The following HCN1 variants were observed in gnomAD, a reference collection of about 807,000 sequenced individuals.
The protein encoded by HCN1 is hyperpolarization activated cyclic nucleotide gated potassium channel 1, also known as potassium/sodium hyperpolarization-activated cyclic nucleotide-gated channel 1.
HCN1 carries 13 observed loss-of-function variants against 78.9 expected under a neutral mutation model. That is an observed-to-expected ratio of 0.16 (90% CI 0.11 to 0.26). The LOEUF is 0.26. Among genes scored for constraint, HCN1 ranks in the 10% least tolerant of loss-of-function variants. The pLI is 1.00. For synonymous variants in HCN1, 552 were observed against 455.5 expected (o/e 1.21, Z -2.70); for missense variants, 810 against 1,154.3 (o/e 0.70, Z 4.32).
chr5:45,395,224 T>A (rs911697270), intron 4 of HCN1, among the ~76,000 whole-genome samples: 1 of 152,068 alleles, frequency 6.6e-6, no homozygotes, highest in African/African-American at 2.4e-5. Context: ...AAAGCAACAG[T>A]GTAAGAGAAA....
intron 6 of HCN1, among the ~76,000 whole-genome samples, chr5:45,288,754 G>A (rs1171800725): frequency 6.6e-6 from 1 of 152,032 alleles, no homozygotes; most frequent in Non-Finnish European, 1.5e-5. Context: ...AGTTTAGTAG[G>A]GAGAATCCTG....
At chr5:45,372,468 A>G (rs1409925125) in intron 4 of HCN1, among the ~76,000 whole-genome samples, 2 of 126,362 alleles carry the variant, frequency 1.6e-5, no homozygotes, top group African/African-American at 2.9e-5. Context: ...ACATTTACAT[A>G]TAAAAATATA....
intron 2 of HCN1, among the ~76,000 whole-genome samples, chr5:45,500,145 G>T (rs1003742480): frequency 6.6e-6 from 1 of 151,976 alleles, no homozygotes; most frequent in Admixed American, 6.6e-5. Flanking sequence ...GCCATGACTG[G>T]TGACATTTAA....
intron 3 of HCN1, among the ~76,000 whole-genome samples, chr5:45,438,356 G>T (rs1433104940): frequency 6.6e-6 from 1 of 152,056 alleles, no homozygotes; most frequent in African/African-American, 2.4e-5. Context: ...ACTTTGGGAG[G>T]CCGAGGAGGG....
chr5:45,364,586 C>A (rs925118906), intron 4 of HCN1, among the ~76,000 whole-genome samples: 31 of 152,074 alleles, frequency 2.0e-4, no homozygotes, highest in Admixed American at 2.0e-3. Context: ...CTCTATCCAA[C>A]CTGCAGCCTA....
chr5:45,450,431 T>C (rs1282636614), intron 3 of HCN1, among the ~76,000 whole-genome samples: 2 of 152,206 alleles, frequency 1.3e-5, no homozygotes, highest in African/African-American at 4.8e-5. Context: ...TTGAGTTTTA[T>C]AGATAATTTG....
chr5:45,548,502 A>G (rs2111847705), intron 2 of HCN1, among the ~76,000 whole-genome samples: 1 of 152,186 alleles, frequency 6.6e-6, no homozygotes, highest in East Asian at 1.9e-4. Context: ...TCTCGAAATA[A>G]TAAGAGCTAT....
At chr5:45,334,798 C>T (rs1245724148) in intron 5 of HCN1, among the ~76,000 whole-genome samples, 1 of 151,864 alleles carries the variant, frequency 6.6e-6, no homozygotes, top group Non-Finnish European at 1.5e-5. Flanking sequence ...GTTATTTATG[C>T]CTGTTACATG....
chr5:45,612,655 AC>A (rs1390959764), intron 2 of HCN1, among the ~76,000 whole-genome samples: 9 of 152,076 alleles, frequency 5.9e-5, no homozygotes, highest in Admixed American at 3.9e-4. Context: ...CATTTACTCA[AC>A]CTTCCTGCTA....
intron 2 of HCN1, among the ~76,000 whole-genome samples, chr5:45,507,920 TA>T (rs1742340944): frequency 6.6e-6 from 1 of 152,126 alleles, no homozygotes; most frequent in African/African-American, 2.4e-5. Context: ...GTTTCTGACT[TA>T]AAGAGACATA....
At chr5:45,689,118 T>C (rs1182124499) in intron 1 of HCN1, among the ~76,000 whole-genome samples, 1 of 152,040 alleles carries the variant, frequency 6.6e-6, no homozygotes, top group Non-Finnish European at 1.5e-5. Context: ...TTGCTTACTT[T>C]AAATGGGTGA....
At chr5:45,506,716 T>A (rs4532370) in intron 2 of HCN1, among the ~76,000 whole-genome samples, 1 of 151,956 alleles carries the variant, frequency 6.6e-6, no homozygotes, top group Admixed American at 6.6e-5. Context: ...TCAGGAAAAA[T>A]TGTTTGCCTA....
chr5:45,284,293 T>TA lies in HCN1; in HGVS notation c.1619-17041dup, dbSNP rs770847407. Among the ~76,000 whole-genome samples the TA allele has an allele frequency of 1.8e-3, 279 of 152,136 alleles. 1 individual carries two copies. The highest frequency in any genetic ancestry group is 3.2e-3 in the Non-Finnish European group (216 of 67,944). On this transcript the variant is annotated intron_variant, in intron 6 of 7. Coordinates refer to ENST00000303230, the MANE Select transcript of HCN1 (RefSeq NM_021072.4). Reference sequence around the variant, plus strand: ...GTGCCCCTGAAATGAAAATAAAAGTTAAAAAAATTGGCGCTCATTGAAAAT... The same window carrying TA: ...GTGCCCCTGAAATGAAAATAAAAGTTAAAAAAAATTGGCGCTCATTGAAAAT...
At chr5:45,307,157 G>T (rs1048698289) in intron 5 of HCN1, among the ~76,000 whole-genome samples, 20 of 151,776 alleles carry the variant, frequency 1.3e-4, no homozygotes, top group African/African-American at 4.6e-4. Flanking sequence ...AAAAAGTATT[G>T]GATTAAACCC....
At chr5:45,694,033 T>C (rs558347534) in intron 1 of HCN1, among the ~76,000 whole-genome samples, 3 of 152,308 alleles carry the variant, frequency 2.0e-5, no homozygotes, top group Non-Finnish European at 2.9e-5. Context: ...TATTCTATAC[T>C]TGATTCCCAC....
intron 5 of HCN1, among the ~76,000 whole-genome samples, chr5:45,336,035 A>G (rs1235850486): frequency 6.6e-6 from 1 of 152,068 alleles, no homozygotes; most frequent in Non-Finnish European, 1.5e-5. Flanking sequence ...AATCACAAAA[A>G]GGATTTAAAC....
intron 5 of HCN1, among the ~76,000 whole-genome samples, chr5:45,329,553 C>T (rs903582275): frequency 6.6e-6 from 1 of 151,314 alleles, no homozygotes; most frequent in African/African-American, 2.4e-5. Context: ...AGTAAGAAAA[C>T]TTTTAATGAA....
At chr5:45,345,795 C>G (rs1262004667) in intron 5 of HCN1, among the ~76,000 whole-genome samples, 1 of 152,188 alleles carries the variant, frequency 6.6e-6, no homozygotes, top group Non-Finnish European at 1.5e-5. Context: ...ACCCTCCAAA[C>G]GGTTTCAATC....
rs943147614 is a variant in HCN1 at position 45,396,480 on chromosome 5, A to G, written c.1230+12T>C. The G allele has an allele frequency of 3.1e-6, 5 of 1,609,850 alleles. No homozygotes were observed. Among genetic ancestry groups the G allele is most frequent in the East Asian group, 4.5e-5 (2 of 44,664 alleles). On this transcript the variant is annotated intron_variant, in intron 4 of 7. Coordinates refer to ENST00000303230, the MANE Select transcript of HCN1 (RefSeq NM_021072.4). ...CTGGTTAAAGACATTGGCGATAAATAAAACAAATTACCTTCTCTTGATACT... is the reference window on the plus strand; with the variant it reads ...CTGGTTAAAGACATTGGCGATAAATGAAACAAATTACCTTCTCTTGATACT...
Sources: gnomAD v4.1 joint callset for allele counts (sites outside exome capture counted in the v4.1 genomes callset) on GRCh38, gnomAD v4.1.1 for gene constraint, MANE v1.5 for transcripts, NCBI Gene and HGNC (gene_info 2026-07-23, HGNC 2026-07-21) for gene names.